KLF13: variants seen among roughly 807,000 people sequenced by gnomAD.
The protein encoded by KLF13 is KLF transcription factor 13, also known as Krueppel-like factor 13.
Under a neutral mutation model 16.7 loss-of-function variants are expected in KLF13, and 8 were observed. The observed-to-expected ratio is 0.48, with a 90% CI of 0.28 to 0.87. KLF13 has a LOEUF of 0.87. KLF13 is among the 40% of genes least tolerant of loss of function. The probability of loss-of-function intolerance (pLI) is 0.10; values close to 1 mark genes in which losing one functional copy is unlikely to be tolerated. For missense variants in KLF13, 447 were observed against 452.2 expected, an observed-to-expected ratio of 0.99 and a Z score of 0.10; for synonymous variants, 245 against 208.4, an observed-to-expected ratio of 1.18 and a Z score of -1.51.
At chr15:31,357,986 G>A (rs997628462) in intron 1 of KLF13, among the ~76,000 whole-genome samples, 1 of 152,182 alleles carries the variant, frequency 6.6e-6, no homozygotes, top group Non-Finnish European at 1.5e-5. Flanking sequence ...GGGGCTGGAA[G>A]GGTGGTGGGT....
At chr15:31,338,675 T>C (rs181147562) in intron 1 of KLF13, among the ~76,000 whole-genome samples, 1 of 152,174 alleles carries the variant, frequency 6.6e-6, no homozygotes, top group African/African-American at 2.4e-5. Context: ...AGGTACTCCA[T>C]CTTGGGCCAT....
chr15:31,404,080 G>A (rs2040079065), exon 3 of KLF13: 2 of 152,240 alleles, frequency 1.3e-5, no homozygotes, highest in South Asian at 4.1e-4. Context: ...GAACTCCCTG[G>A]ACATGGCCAA....
intron 1 of KLF13, among the ~76,000 whole-genome samples, chr15:31,384,842 C>A (rs1307468287): frequency 6.6e-6 from 1 of 152,152 alleles, no homozygotes; most frequent in East Asian, 1.9e-4. Context: ...TAAAGGAGCA[C>A]CAAACACACC....
chr15:31,353,660 C>T (rs1344808186), intron 1 of KLF13, among the ~76,000 whole-genome samples: 4 of 152,218 alleles, frequency 2.6e-5, no homozygotes, highest in African/African-American at 9.7e-5. Flanking sequence ...TCTTATCCTC[C>T]CCCCAAAGGG....
At chr15:31,371,594 C>T (rs1011576728) in intron 1 of KLF13, among the ~76,000 whole-genome samples, 9 of 152,230 alleles carry the variant, frequency 5.9e-5, no homozygotes, top group Admixed American at 3.9e-4. Flanking sequence ...GCAGCATGGG[C>T]GGCTGGACTC....
intron 1 of KLF13, among the ~76,000 whole-genome samples, chr15:31,383,205 G>T (rs913582206): frequency 3.3e-5 from 5 of 152,210 alleles, no homozygotes; most frequent in African/African-American, 1.2e-4. Flanking sequence ...TCTGTCTCCT[G>T]CTCTTTTAAC....
chr15:31,340,030 A>G, intron 1 of KLF13: 2 of 702,390 alleles, frequency 2.8e-6, no homozygotes, highest in South Asian at 3.0e-5. Flanking sequence ...TACTGTCAGT[A>G]GGGCTGACCC....
chr15:31,334,460 T>G (rs529831906), intron 1 of KLF13, among the ~76,000 whole-genome samples: 1 of 152,088 alleles, frequency 6.6e-6, no homozygotes, highest in South Asian at 2.1e-4. Context: ...GAAGTCTTGC[T>G]CTTGTCCCCC....
In KLF13 at chr15:31,372,808, A is replaced by T. The variant is rs1488415590; in HGVS notation, c.*509A>T. On this transcript the variant is annotated 3_prime_UTR_variant, in exon 2 of 2. Transcript: ENST00000307145. ...CTGACCTCTTCCTGCCCAGCCCCCA[A>T]CCCAGTCTCTGGCCTCTGCCCAACG... 6.5e-6 allele frequency: 1 copy of T among 152,894 alleles called. No homozygotes were observed. The highest frequency in any genetic ancestry group is 2.4e-5 in the African/African-American group (1 of 41,452). The allele number at this position is 152,894 out of a possible 1,614,324, so 9.5% of individuals were successfully genotyped here.
chr15:31,359,113 A>G (rs7169662), intron 1 of KLF13, among the ~76,000 whole-genome samples: 64,692 of 151,980 alleles, frequency 0.43, 14,696 homozygotes, highest in East Asian at 0.56. Flanking sequence ...CTTCACTTGC[A>G]CAATCCATGA....
chr15:31,417,149 A>G (rs574723151), intron 1 of KLF13, among the ~76,000 whole-genome samples: 1 of 152,282 alleles, frequency 6.6e-6, no homozygotes, highest in Non-Finnish European at 1.5e-5. Context: ...TGACCCCTTG[A>G]TCTTGGACTT....
chr15:31,380,482 T>C (rs1440390765), downstream of KLF13, among the ~76,000 whole-genome samples: 1 of 152,164 alleles, frequency 6.6e-6, no homozygotes, highest in Admixed American at 6.5e-5. Context: ...GTTTTCCAAG[T>C]GGACTCACTG....
At chr15:31,396,752 G>C (rs777511402) in intron 2 of KLF13, among the ~76,000 whole-genome samples, 8 of 152,200 alleles carry the variant, frequency 5.3e-5, no homozygotes, top group Non-Finnish European at 8.8e-5. Flanking sequence ...GCCTCCAGCT[G>C]CGTGACTCCT....
At chr15:31,422,295 G>A (rs1207554485) in intron 1 of KLF13, among the ~76,000 whole-genome samples, 1 of 152,160 alleles carries the variant, frequency 6.6e-6, no homozygotes, top group Non-Finnish European at 1.5e-5. Flanking sequence ...ATAAAGGAAA[G>A]AGGTTTAATT....
chr15:31,402,482 C>T (rs1294731591), intron 2 of KLF13, among the ~76,000 whole-genome samples: 1 of 152,248 alleles, frequency 6.6e-6, no homozygotes, highest in African/African-American at 2.4e-5. Flanking sequence ...CAGTTCCATT[C>T]AGGAAACATG....
At chr15:31,377,913 GTTTCTTTGAA>G (rs1233824666), downstream of KLF13, 5 of 152,502 alleles carry the variant, frequency 3.3e-5, no homozygotes, top group African/African-American at 1.2e-4. Context: ...GCTGGAGCTA[GTTTCTTTGAA>G]GAGCATGTCT....
At position 31,327,447 on chromosome 15, in the gene KLF13, G is replaced by C. The variant is rs1411834143; in HGVS notation, c.235G>C (p.Ala79Pro). ...ADLNQQAPAPAPAERREGAAA... is the reference protein window; with the variant it reads ...ADLNQQAPAPPPAERREGAAA... ...CCTCAACCAGCAAGCGCCGGCGCCC[G>C]CCCCGGCGGAGCGCAGGGAGGGCGC... The change falls in exon 1 of 2, where the codon GCC (alanine) becomes CCC (proline). Residue 79 changes from alanine to proline, a missense_variant. Physicochemically the swap from Ala to Pro is conservative, Grantham distance 27 (BLOSUM62 -1). Transcript: ENST00000307145. 3.3e-6 allele frequency: 4 copies of C among 1,214,762 alleles called. No homozygotes were observed. Among genetic ancestry groups the C allele is most frequent in the Non-Finnish European group, 4.1e-6 (4 of 977,188 alleles). 75.2% of individuals were successfully genotyped at this position (1,214,762 alleles called of 1,614,324 possible). A position where few individuals can be genotyped will look rare whatever the true frequency, so the allele number is the denominator to read the frequency against.
intron 1 of KLF13, among the ~76,000 whole-genome samples, chr15:31,343,491 A>C (rs923210298): frequency 1.3e-5 from 2 of 152,300 alleles, no homozygotes; most frequent in Admixed American, 1.3e-4. Flanking sequence ...TGAAGGGAGA[A>C]GGCAAGGAGG....
chr15:31,342,422 T>G (rs1425976399), intron 1 of KLF13, among the ~76,000 whole-genome samples: 2 of 152,218 alleles, frequency 1.3e-5, no homozygotes, highest in Non-Finnish European at 2.9e-5. Flanking sequence ...CCAGGCACCA[T>G]GACAGGTTTC....
Sources: gnomAD v4.1 joint callset for allele counts (sites outside exome capture counted in the v4.1 genomes callset) on GRCh38, gnomAD v4.1.1 for gene constraint, MANE v1.5 for transcripts, NCBI Gene and HGNC (gene_info 2026-07-23, HGNC 2026-07-21) for gene names.